TMCC2: variants seen among roughly 807,000 people sequenced by gnomAD.
The protein encoded by TMCC2 is transmembrane and coiled-coil domains protein 2.
Under a neutral mutation model 49.4 loss-of-function variants are expected in TMCC2, and 16 were observed. The observed-to-expected ratio is 0.32, with a 90% CI of 0.22 to 0.49. The LOEUF (loss-of-function observed/expected upper bound fraction) is 0.49, where lower values mean the gene tolerates loss of function less well. Among genes scored for constraint, TMCC2 ranks in the 20% least tolerant of loss-of-function variants. The pLI, the probability that TMCC2 is intolerant of heterozygous loss-of-function variation, is 0.99. For missense variants in TMCC2, 762 were observed against 989.8 expected, an observed-to-expected ratio of 0.77 and a Z score of 3.09; for synonymous variants, 397 against 434.1, an observed-to-expected ratio of 0.91 and a Z score of 1.06.
chr1:205,258,362 C>T (rs1574856613), intron 2 of TMCC2, among the ~76,000 whole-genome samples: 1 of 152,166 alleles, frequency 6.6e-6, no homozygotes, highest in Admixed American at 6.5e-5. Flanking sequence ...TTTGTCACCC[C>T]CTTGTGCCCA....
chr1:205,251,511 T>G (rs1172154), intron 2 of TMCC2, among the ~76,000 whole-genome samples: 74,646 of 152,062 alleles, frequency 0.49, 20,453 homozygotes, highest in Non-Finnish European at 0.61. Flanking sequence ...GAATAATTCA[T>G]CAGGCTCAGC....
chr1:205,235,235 G>A lies in TMCC2; in HGVS notation c.208-6270G>A, dbSNP rs117438942. On this transcript the variant is annotated intron_variant, in intron 1 of 4. Coordinates refer to ENST00000358024, the MANE Select transcript of TMCC2 (RefSeq NM_014858.4). ...AATATTCAGAGCAGCCCTCTATGTG[G>A]GCTCTGGGGGAACTGGTGACCGATG... Among the ~76,000 whole-genome samples, 36 of 152,138 alleles carry A rather than the reference G, an allele frequency of 2.4e-4. No individual in the cohort carries two copies. The East Asian group carries it at 5.6e-3, about 24-fold the overall frequency.
At chr1:205,251,294 A>G (rs1660660873) in intron 2 of TMCC2, among the ~76,000 whole-genome samples, 1 of 152,154 alleles carries the variant, frequency 6.6e-6, no homozygotes, top group African/African-American at 2.4e-5. Context: ...CTGTCCAGGG[A>G]CAGGCTCTTG....
intron 2 of TMCC2, among the ~76,000 whole-genome samples, chr1:205,247,413 G>C (rs1448847203): frequency 6.6e-6 from 1 of 152,180 alleles, no homozygotes; most frequent in Non-Finnish European, 1.5e-5. Context: ...CGAGTGGGAT[G>C]ATTTTATCTC....
Position 205,269,819 on chromosome 1 carries a change from C to T in TMCC2, c.1617C>T (p.Asp539=). ...GQSHLEDSME[D]LKTQLQRDYT... ...CTCACCTGGAGGACTCCATGGAAGA[C>T]CTGAAGACTCAGCTGCAGAGGGACT... Residue 539 remains aspartate, a synonymous_variant, in exon 3 of 5, where the codon GAC becomes GAT. Coordinates refer to ENST00000358024, the MANE Select transcript of TMCC2 (RefSeq NM_014858.4). 1 of 1,614,130 alleles carries T rather than the reference C, an allele frequency of 6.2e-7. No homozygotes were observed. The highest frequency in any genetic ancestry group is 1.1e-5 in the South Asian group (1 of 91,080).
intron 1 of TMCC2, among the ~76,000 whole-genome samples, chr1:205,233,116 A>AATT (rs1006689792): frequency 6.6e-6 from 1 of 151,990 alleles, no homozygotes; most frequent in Admixed American, 6.6e-5. Flanking sequence ...CACGGGAGGA[A>AATT]ATTACCAACC....
At chr1:205,245,155 G>T (rs961082756) in intron 2 of TMCC2, among the ~76,000 whole-genome samples, 1 of 152,266 alleles carries the variant, frequency 6.6e-6, no homozygotes, top group East Asian at 1.9e-4. Context: ...GACCTCGAAG[G>T]CCAGGCTGAA....
chr1:205,236,238 T>C (rs1331262356), intron 1 of TMCC2, among the ~76,000 whole-genome samples: 1 of 152,136 alleles, frequency 6.6e-6, no homozygotes, highest in Non-Finnish European at 1.5e-5. Flanking sequence ...ATCACATACA[T>C]TCTGGCTCCT....
At chr1:205,238,162 G>A (rs114843075) in intron 1 of TMCC2, among the ~76,000 whole-genome samples, 220 of 152,254 alleles carry the variant, frequency 1.4e-3, no homozygotes, top group African/African-American at 5.1e-3. Context: ...CTGCGTTGGC[G>A]GCTAAGTTCC....
At chr1:205,234,778 A>G (rs1320531827) in intron 1 of TMCC2, among the ~76,000 whole-genome samples, 2 of 151,492 alleles carry the variant, frequency 1.3e-5, no homozygotes, top group South Asian at 2.1e-4. Flanking sequence ...TCCTGTCTCA[A>G]CCTCCCGAGT....
chr1:205,257,122 G>A, intron 2 of TMCC2: 4 of 1,228,272 alleles, frequency 3.3e-6, no homozygotes, highest in Non-Finnish European at 3.0e-6. Flanking sequence ...CAGATGGGAA[G>A]GAGCAGCCCG....
chr1:205,229,551 G>GGGC, intron 1 of TMCC2: 2 of 694,102 alleles, frequency 2.9e-6, no homozygotes, highest in South Asian at 1.4e-4. Context: ...GGGGCGGGGG[G>GGGC]GGGGGGGTGG....
Position 205,269,126 on chromosome 1 carries a change from G to C in TMCC2, c.924G>C (p.Glu308Asp), listed in dbSNP as rs775749252. Residue 308 changes from glutamate (E) to aspartate (D), a missense_variant, in exon 3 of 5, where the codon GAG becomes GAC. Physicochemically the swap from Glu to Asp is conservative, Grantham distance 45 (BLOSUM62 2). Around this residue, in one of 2 missense-constraint regions of TMCC2, gnomAD observed 440 missense variants for 636.7 expected, o/e 0.69. Coordinates refer to ENST00000358024, the MANE Select transcript of TMCC2 (RefSeq NM_014858.4). ...CCGAGCAGATCAAGATTGAGCAGGAGGCTCGCGACGACAATGTGGCAGAGT... is the reference window on the plus strand; with the variant it reads ...CCGAGCAGATCAAGATTGAGCAGGACGCTCGCGACGACAATGTGGCAGAGT... ...KITEQIKIEQ[E>D]ARDDNVAEYL... is the part of the protein sequence containing the mutation. 1.2e-6 allele frequency: 2 copies of C among 1,614,010 alleles called. No individual in the cohort carries two copies.
At chr1:205,230,026 C>T in intron 1 of TMCC2, 3 of 985,396 alleles carry the variant, frequency 3.0e-6, no homozygotes, top group Non-Finnish European at 3.6e-6. Context: ...GGTGCAGGGT[C>T]TGGGCTAGGG....
Position 205,228,132 on chromosome 1 carries a change from CCTGCCCGGCCGG to C in TMCC2, c.-426_-415del, listed in dbSNP as rs1280187869. On this transcript the variant is annotated 5_prime_UTR_variant, in exon 1 of 5. Transcript: ENST00000358024. Reference sequence around the variant, plus strand: ...CGGCGCCGATGGCGGCCGACTAGGACCTGCCCGGCCGGCTGCCCCGCGCCCCGCCTCGCCCCG... The same window carrying C: ...CGGCGCCGATGGCGGCCGACTAGGACCTGCCCCGCGCCCCGCCTCGCCCCG... The C allele has an allele frequency of 6.7e-6, 1 of 150,336 alleles. No homozygotes were observed. Among genetic ancestry groups the C allele is most frequent in the Non-Finnish European group, 1.5e-5 (1 of 67,564 alleles). The allele number at this position is 150,336 out of a possible 1,614,324, so 9.3% of individuals were successfully genotyped here.
chr1:205,234,150 A>G (rs1369160998), intron 1 of TMCC2: 1 of 152,164 alleles, frequency 6.6e-6, no homozygotes. Flanking sequence ...ATACCTAAAA[A>G]CAAGGACATG....
rs766405761 is a variant in TMCC2, at chr1:205,228,722, C to T, written c.158C>T (p.Ala53Val). 6.2e-7 allele frequency: 1 copy of T among 1,610,936 alleles called. No individual in the cohort carries two copies. Among genetic ancestry groups the T allele is most frequent in the Non-Finnish European group, 8.5e-7 (1 of 1,179,282 alleles). ...GGCGGGCCAACTTCAGACGCCGGCG[C>T]TGCCGCGGCGCCCAACCCAGGTCCC... Reference protein sequence around the residue: ...SAGGPTSDAGAAAAPNPGPRS... With the variant: ...SAGGPTSDAGVAAAPNPGPRS... Residue 53 changes from alanine to valine, a missense_variant, in exon 1 of 5, where the codon GCT becomes GTT. Ala to Val is a moderately conservative substitution (Grantham distance 64). This residue lies in a region of TMCC2 where 322 missense variants were observed against 353.1 expected (regional missense o/e 0.91). Transcript: ENST00000358024.
chr1:205,270,319 A>G (rs1472051172), intron 3 of TMCC2, among the ~76,000 whole-genome samples: 1 of 152,210 alleles, frequency 6.6e-6, no homozygotes, highest in African/African-American at 2.4e-5. Flanking sequence ...TCATAGGGTC[A>G]TAAAGATACA....
chr1:205,272,316 A>G lies in TMCC2; in HGVS notation c.*192A>G, dbSNP rs1429758254. 6.0e-6 allele frequency: 7 copies of G among 1,174,524 alleles called. No homozygotes were observed. In the South Asian group the frequency reaches 6.5e-5, roughly 11 times the overall value. The allele number at this position is 1,174,524 out of a possible 1,614,324, so 72.8% of individuals were successfully genotyped here. ...CCTGTTGGCCTGAAGGGAGCTTAGA[A>G]TGCAGCCCTACCTGGAGATAGTGCG... On this transcript the variant is annotated 3_prime_UTR_variant, in exon 5 of 5. Transcript: ENST00000358024.
Sources: allele counts gnomAD v4.1 joint callset (sites outside exome capture counted in the v4.1 genomes callset), GRCh38; gene constraint gnomAD v4.1.1; regional missense constraint gnomAD v4.1.1; transcripts MANE v1.5; gene names NCBI Gene and HGNC (gene_info 2026-07-23, HGNC 2026-07-21).